Variants in ATP1A3 observed in about 807,000 individuals in gnomAD.
ATP1A3 encodes sodium/potassium-transporting ATPase subunit alpha-3.
A neutral mutation model predicts 108.8 loss-of-function variants in ATP1A3; 12 were observed. The observed-to-expected ratio is 0.11, with a 90% CI of 0.07 to 0.18. The LOEUF is 0.18. Among genes scored for constraint, ATP1A3 ranks in the 10% least tolerant of loss-of-function variants. The pLI, the probability that ATP1A3 is intolerant of heterozygous loss-of-function variation, is 1.00. For synonymous variants in ATP1A3, 539 were observed against 564.5 expected, an observed-to-expected ratio of 0.95 and a Z score of 0.64; for missense variants, 498 against 1,387.7, an observed-to-expected ratio of 0.36 and a Z score of 10.19.
intron 16 of ATP1A3, among the ~76,000 whole-genome samples, chr19:41,971,687 C>T (rs1457719796): frequency 6.6e-6 from 1 of 152,086 alleles, no homozygotes; most frequent in African/African-American, 2.4e-5. Flanking sequence ...GGCTCAGCAC[C>T]CGTCTCTGGG....
chr19:41,977,408 G>A (rs937037288), intron 14 of ATP1A3, among the ~76,000 whole-genome samples: 2 of 151,942 alleles, frequency 1.3e-5, no homozygotes, highest in Admixed American at 6.6e-5. Flanking sequence ...AATGCAGGCC[G>A]GGCGCAGTGG....
chr19:41,970,043 C>A (rs987978852), intron 18 of ATP1A3, 142 bp downstream of exon 18: 35 of 1,369,752 alleles, frequency 2.6e-5, no homozygotes, highest in African/African-American at 4.3e-5. Flanking sequence ...GTGCAGACCC[C>A]CCCCACAGAT....
rs369366002 is a variant in ATP1A3, at chr19:41,967,151, T to C, written c.3013+98A>G. On this transcript the variant is annotated intron_variant, in intron 22 of 22. Transcript: ENST00000648268. This position sits in a 1 kb window ranked among gnomAD's most constrained non-coding sequence, Gnocchi z 4.2. The stretch of plus-strand genomic sequence containing the variant: ...AAGAGAGAGAAGAGTGGGAACCAGG[T>C]GGCAGAGCCATCCAGCAGGGCGAGG... The C allele has an allele frequency of 1.3e-6, 2 of 1,586,480 alleles. No individual in the cohort carries two copies. Among genetic ancestry groups the C allele is most frequent in the Middle Eastern group, 1.7e-4 (1 of 6,044 alleles).
At chr19:41,993,262 G>T in intron 1 of ATP1A3, 1 of 873,776 alleles carries the variant, frequency 1.1e-6, no homozygotes, top group Non-Finnish European at 1.8e-6. Context: ...GGAGGGAGGC[G>T]GCATCTGCTG....
chr19:41,993,450 G>T (rs1211189041), intron 1 of ATP1A3: 1 of 1,534,160 alleles, frequency 6.5e-7, no homozygotes, highest in South Asian at 1.2e-5. Flanking sequence ...CCCTACATGA[G>T]GGGCTGCACA....
Position 41,988,714 on chromosome 19 carries a change from TC to T in ATP1A3, c.7-153del. 1 of 1,481,188 alleles carries T rather than the reference TC, an allele frequency of 6.8e-7. No homozygotes were observed. Among genetic ancestry groups the T allele is most frequent in the East Asian group, 2.4e-5 (1 of 41,494 alleles). 91.8% of individuals were successfully genotyped at this position (1,481,188 alleles called of 1,614,324 possible). A position where few individuals can be genotyped will look rare whatever the true frequency, so the allele number is the denominator to read the frequency against. ...GGGTCTCTGTCTGCCTCTCGGGGTCTCCCTGTGTCTCCCGGAGCCTCTGGGT... is the reference window on the plus strand; with the variant it reads ...GGGTCTCTGTCTGCCTCTCGGGGTCTCCTGTGTCTCCCGGAGCCTCTGGGT... On this transcript the variant is annotated intron_variant, in intron 1 of 22. Transcript: ENST00000648268. This position sits in a 1 kb window ranked among gnomAD's most constrained non-coding sequence, Gnocchi z 5.3.
At chr19:41,983,142 A>G (rs2075251558) in intron 8 of ATP1A3, among the ~76,000 whole-genome samples, 1 of 151,600 alleles carries the variant, frequency 6.6e-6, no homozygotes, top group African/African-American at 2.4e-5. Context: ...CAGTGGCTCG[A>G]TCTCAGCTCA....
intron 19 of ATP1A3, among the ~76,000 whole-genome samples, 177 bp from the exon 20 acceptor site, chr19:41,969,092 A>G (rs1438220896): frequency 6.6e-6 from 1 of 152,134 alleles, no homozygotes; most frequent in Non-Finnish European, 1.5e-5. Flanking sequence ...GAGACGTACA[A>G]GGAAGAAGAA....
At chr19:41,990,644 ATC>A (rs1219281755) in intron 1 of ATP1A3, among the ~76,000 whole-genome samples, 1 of 126,070 alleles carries the variant, frequency 7.9e-6, no homozygotes. Context: ...GCTCTCCTCA[ATC>A]TCTCTCTCTC....
In ATP1A3 at chr19:41,985,562, G is replaced by C; in HGVS notation, c.607-139C>G. 2 of 933,054 alleles carry C rather than the reference G, an allele frequency of 2.1e-6. No individual in the cohort carries two copies. Among genetic ancestry groups the C allele is most frequent in the Non-Finnish European group, 3.4e-6 (2 of 589,682 alleles). 57.8% of individuals were successfully genotyped at this position (933,054 alleles called of 1,614,324 possible). A position where few individuals can be genotyped will look rare whatever the true frequency, so the allele number is the denominator to read the frequency against. Reference sequence around the variant, plus strand: ...TGGGTGCCCAGTGGGTGAGTGGTGTGTGGGAGGCCAGAGGCTGGGATCTTG... The same window carrying C: ...TGGGTGCCCAGTGGGTGAGTGGTGTCTGGGAGGCCAGAGGCTGGGATCTTG... On this transcript the variant is annotated intron_variant, in intron 6 of 22. Coordinates refer to ENST00000648268, the MANE Select transcript of ATP1A3 (RefSeq NM_152296.5). The surrounding 1 kb of genome is among the most constrained non-coding windows in gnomAD (Gnocchi z 8.2).
At chr19:41,980,323 T>C (rs1449084390) in intron 11 of ATP1A3, among the ~76,000 whole-genome samples, 4 of 152,130 alleles carry the variant, frequency 2.6e-5, no homozygotes, top group African/African-American at 9.7e-5. Context: ...AAAAAATGTA[T>C]ACTGAATGGG....
In ATP1A3 at chr19:41,985,476, G is replaced by A. The variant is rs1216804104; in HGVS notation, c.607-53C>T. ...TTCAGTCCAGGGCCTGGGACAGGAG[G>A]GTATTTGTGTACAGGGCTTGGGGCT... On this transcript the variant is annotated intron_variant, in intron 6 of 22. Transcript: ENST00000648268. This position sits in a 1 kb window ranked among gnomAD's most constrained non-coding sequence, Gnocchi z 8.2. 4.6e-6 allele frequency: 7 copies of A among 1,530,584 alleles called. No individual in the cohort carries two copies. The highest frequency in any genetic ancestry group is 6.3e-6 in the Non-Finnish European group (7 of 1,104,528). 94.8% of individuals were successfully genotyped at this position (1,530,584 alleles called of 1,614,324 possible). A position where few individuals can be genotyped will look rare whatever the true frequency, so the allele number is the denominator to read the frequency against.
intron 16 of ATP1A3, among the ~76,000 whole-genome samples, chr19:41,972,726 C>G (rs983834900): frequency 6.3e-5 from 9 of 142,486 alleles, no homozygotes; most frequent in Non-Finnish European, 1.2e-4. Context: ...CATCACGCCA[C>G]TGCACTCCAG....
intron 8 of ATP1A3, 123 bp from the exon 9 acceptor site, chr19:41,982,229 A>C: frequency 2.0e-6 from 3 of 1,531,292 alleles, no homozygotes; most frequent in Non-Finnish European, 2.7e-6. Flanking sequence ...CTGGAAAAGA[A>C]TGAGGCAGCA....
Position 41,985,072 on chromosome 19 carries a change from T to A in ATP1A3, c.839A>T (p.His280Leu). The A allele has an allele frequency of 6.2e-7, 1 of 1,613,906 alleles. No homozygotes were observed. The highest frequency in any genetic ancestry group is 1.7e-5 in the Admixed American group (1 of 59,968). ...CACGCCGGTGATGAGCTGGATGAAG[T>A]GCTCAATCTCGATGGCGATGGGCGT... ...GKTPIAIEIE[H>L]FIQLITGVAV... Residue 280 changes from histidine (H) to leucine (L), a missense_variant, in exon 8 of 23, where the codon CAC (histidine) becomes CTC (leucine). His to Leu is a moderately conservative substitution (Grantham distance 99). This residue lies in a region of ATP1A3 where 127 missense variants were observed against 464.0 expected (regional missense o/e 0.27). Coordinates refer to ENST00000648268, the MANE Select transcript of ATP1A3 (RefSeq NM_152296.5). This position sits in a 1 kb window ranked among gnomAD's most constrained non-coding sequence, Gnocchi z 8.2.
rs1555865039 is a variant in ATP1A3, at chr19:41,985,380, C to T, written c.650G>A (p.Arg217His). The T allele has an allele frequency of 6.2e-7, 1 of 1,614,016 alleles. No individual in the cohort carries two copies. The highest frequency in any genetic ancestry group is 8.5e-7 in the Non-Finnish European group (1 of 1,179,956). ...SLTGESEPQT[R>H]SPDCTHDNPL... ...GTTGTCGTGAGTGCAGTCGGGAGAG[C>T]GAGTCTGGGGCTCGGATTCGCCAGT... Residue 217 changes from arginine (R) to histidine (H), a missense_variant, in exon 7 of 23, where the codon CGC becomes CAC. Around this residue, in one of 9 missense-constraint regions of ATP1A3, gnomAD observed 127 missense variants for 464.0 expected, o/e 0.27. Transcript: ENST00000648268. The surrounding 1 kb of genome is among the most constrained non-coding windows in gnomAD (Gnocchi z 8.2).
intron 16 of ATP1A3, among the ~76,000 whole-genome samples, chr19:41,972,202 A>G (rs1228591917): frequency 2.6e-5 from 4 of 152,070 alleles, no homozygotes; most frequent in Admixed American, 2.6e-4. Context: ...GTGAGCCGCA[A>G]TTGTGCCATT....
rs782651728 is a variant in ATP1A3, at chr19:41,967,384, G to A, written c.2922-44C>T. ...GAGGGCTTGAGTGCGGGGCCCTAAC[G>A]AGAGGCAGAGTTTCAGGGGACTGGA... On this transcript the variant is annotated intron_variant, in intron 21 of 22. Coordinates refer to ENST00000648268, the MANE Select transcript of ATP1A3 (RefSeq NM_152296.5). The surrounding 1 kb of genome is among the most constrained non-coding windows in gnomAD (Gnocchi z 4.2). 8.2e-6 allele frequency: 13 copies of A among 1,582,092 alleles called. No homozygotes were observed. The highest frequency in any genetic ancestry group is 3.3e-5 in the South Asian group (3 of 90,608).
At chr19:41,983,098 GAC>G (rs1487800803) in intron 8 of ATP1A3, among the ~76,000 whole-genome samples, 1 of 150,158 alleles carries the variant, frequency 6.7e-6, no homozygotes, top group African/African-American at 2.5e-5. Flanking sequence ...TTTTTTTTGA[GAC>G]ACAGTCTTGC....
Sources: allele counts gnomAD v4.1 joint callset (sites outside exome capture counted in the v4.1 genomes callset), GRCh38; gene constraint gnomAD v4.1.1; regional missense constraint gnomAD v4.1.1; non-coding constraint Gnocchi (gnomAD v3.1); transcripts MANE v1.5; gene names NCBI Gene and HGNC (gene_info 2026-07-23, HGNC 2026-07-21).